The following RABEP2 variants were observed in gnomAD, a reference collection of about 807,000 sequenced individuals.
RABEP2 encodes rab GTPase-binding effector protein 2.
A neutral mutation model predicts 74.1 loss-of-function variants in RABEP2; 57 were observed. The observed-to-expected ratio is 0.77, with a 90% CI of 0.62 to 0.96. The LOEUF (loss-of-function observed/expected upper bound fraction) is 0.96. Ranked by LOEUF, RABEP2 falls within the 40% of genes least tolerant of loss-of-function variation. The pLI is 0.00. For synonymous variants in RABEP2, 351 were observed against 344.0 expected (o/e 1.02, Z -0.23); for missense variants, 692 against 756.3 (o/e 0.91, Z 1.00).
Position 28,910,990 on chromosome 16 carries a change from G to C in RABEP2, c.991-4C>G. 6.2e-7 allele frequency: 1 copy of C among 1,610,576 alleles called. No individual in the cohort carries two copies. On this transcript the variant is annotated splice_region_variant and splice_polypyrimidine_tract_variant and intron_variant, in intron 6 of 12. Coordinates refer to ENST00000358201, the MANE Select transcript of RABEP2 (RefSeq NM_024816.3). ...CCTGGGCCAGGAGCACCTGCATCTG[G>C]GTTGGAGGGAGGGCGAAAGTGAGGG...
rs1219172596 is a variant in RABEP2 at position 28,919,840 on chromosome 16, C to T, written c.378G>A (p.Lys126=). ...EEKERELGRL[K]QLLSRAYPLD... is the part of the protein sequence containing the mutation. ...GGGGGTAGGCCCGGGACAGCAGCTG[C>T]TTCAGGCGGCCCAGCTCCCGCTCCT... The change falls in exon 3 of 13, where the codon AAG becomes AAA. Residue 126 remains lysine (K), a synonymous_variant. Transcript: ENST00000358201. The T allele has an allele frequency of 6.2e-7, 1 of 1,612,246 alleles. No homozygotes were observed. The highest frequency in any genetic ancestry group is 1.7e-5 in the Admixed American group (1 of 59,986).
intron 8 of RABEP2, among the ~76,000 whole-genome samples, chr16:28,907,206 G>A (rs183758885): frequency 6.0e-5 from 9 of 149,994 alleles, no homozygotes; most frequent in Admixed American, 4.0e-4. Flanking sequence ...TGTGGCCCAG[G>A]ATGGAGTGTA....
Position 28,914,261 on chromosome 16 carries a change from G to A in RABEP2, c.869C>T (p.Thr290Ile), listed in dbSNP as rs773962035. ...PPPGYQLVPDTQWEQLQTEGR... is the reference protein window; with the variant it reads ...PPPGYQLVPDIQWEQLQTEGR... ...CTCTGTCTGCAGCTGCTCCCACTGAGTGTCTGGGACGAGCTGGTAGCCAGG... is the reference window on the plus strand; with the variant it reads ...CTCTGTCTGCAGCTGCTCCCACTGAATGTCTGGGACGAGCTGGTAGCCAGG... The change falls in exon 5 of 13, where the codon ACT becomes ATT. Residue 290 changes from threonine to isoleucine, a missense_variant. Thr to Ile is a moderately conservative substitution (Grantham distance 89). Coordinates refer to ENST00000358201, the MANE Select transcript of RABEP2 (RefSeq NM_024816.3). 3.7e-6 allele frequency: 6 copies of A among 1,608,684 alleles called. No homozygotes were observed. In the East Asian group the frequency reaches 1.3e-4, roughly 36 times the overall value.
chr16:28,925,072 T>TC, intron 1 of RABEP2, 31 bp downstream of exon 1: 1 of 1,548,322 alleles, frequency 6.5e-7, no homozygotes, highest in Non-Finnish European at 8.7e-7. Context: ...GCATCACCGT[T>TC]CCCCGCTTGC....
chr16:28,914,745 A>G lies in RABEP2; in HGVS notation c.470T>C (p.Leu157Pro). 6.2e-7 allele frequency: 1 copy of G among 1,614,146 alleles called. No homozygotes were observed. Among genetic ancestry groups the G allele is most frequent in the Non-Finnish European group, 8.5e-7 (1 of 1,180,026 alleles). ...EDSEKLREIVLPMEKEIEELK... is the reference protein window; with the variant it reads ...EDSEKLREIVPPMEKEIEELK... ...CTCCTCGATCTCCTTTTCCATGGGC[A>G]GTACGATCTCCCGCAGCTTCTCCGA... Residue 157 changes from leucine (L) to proline (P), a missense_variant, in exon 4 of 13, where the codon CTG becomes CCG. By Grantham distance (98) the Leu-to-Pro change is moderately conservative (BLOSUM62 -3). Transcript: ENST00000358201.
Position 28,904,852 on chromosome 16 carries a change from A to C in RABEP2, c.*91T>G. On this transcript the variant is annotated 3_prime_UTR_variant, in exon 13 of 13. Coordinates refer to ENST00000358201, the MANE Select transcript of RABEP2 (RefSeq NM_024816.3). ...CAACCCCAGTCTCAGGGACGGTGGA[A>C]AAGCCATCCAAGACCCCAGAGCGAG... 1 of 991,112 alleles carries C rather than the reference A, an allele frequency of 1.0e-6. No individual in the cohort carries two copies. Among genetic ancestry groups the C allele is most frequent in the Non-Finnish European group, 1.5e-6 (1 of 665,584 alleles). The allele number at this position is 991,112 out of a possible 1,614,324, so 61.4% of individuals were successfully genotyped here. A position where few individuals can be genotyped will look rare whatever the true frequency, so the allele number is the denominator to read the frequency against.
At chr16:28,908,588 C>T in intron 8 of RABEP2, 21 bp downstream of exon 8, 1 of 1,587,166 alleles carries the variant, frequency 6.3e-7, no homozygotes, top group Non-Finnish European at 8.6e-7. Flanking sequence ...TCCAGGCTCT[C>T]AGTGCCCACA....
chr16:28,924,921 A>C (rs1964514049), intron 1 of RABEP2, 182 bp downstream of exon 1: 2 of 831,888 alleles, frequency 2.4e-6, no homozygotes, highest in Non-Finnish European at 3.9e-6. Flanking sequence ...CACTGGCCCT[A>C]CCCCTTCAAT....
intron 3 of RABEP2, chr16:28,918,061 G>GTTTTTTTTTT (rs398029150): frequency 2.1e-5 from 2 of 93,220 alleles, no homozygotes; most frequent in African/African-American, 4.4e-5. Flanking sequence ...TCCTATAATT[G>GTTTTTTTTTT]TTTTTTTTTT....
chr16:28,905,511 G>C lies in RABEP2; in HGVS notation c.1494C>G (p.Ala498=), dbSNP rs1271965247. The C allele has an allele frequency of 6.2e-6, 10 of 1,610,850 alleles. No homozygotes were observed. The highest frequency in any genetic ancestry group is 8.5e-6 in the Non-Finnish European group (10 of 1,179,272). ...MERVQQEQSK[A]QLPDLLSEQR... is the part of the protein sequence containing the mutation. ...GTTCTGAGAGGAGGTCTGGGAGCTG[G>C]GCCTGCGGGGACAGACACCACACTG... Residue 498 remains alanine (A), a splice_region_variant and synonymous_variant, in exon 12 of 13, where the codon GCC becomes GCG. Coordinates refer to ENST00000358201, the MANE Select transcript of RABEP2 (RefSeq NM_024816.3).
intron 8 of RABEP2, among the ~76,000 whole-genome samples, chr16:28,906,965 T>A (rs1358232282): frequency 6.6e-6 from 1 of 151,586 alleles, no homozygotes. Context: ...TCTCAAAAAA[T>A]AAAAATAAAA....
chr16:28,910,928 C>T lies in RABEP2; in HGVS notation c.1049G>A (p.Gly350Glu), dbSNP rs539268236. 6.2e-6 allele frequency: 10 copies of T among 1,613,250 alleles called. No homozygotes were observed. The African/African-American group carries it at 1.2e-4, about 19-fold the overall frequency. The change falls in exon 7 of 13, where the codon GGG becomes GAG. Residue 350 changes from glycine to glutamate, a missense_variant. Gly to Glu is a moderately conservative substitution (Grantham distance 98). Coordinates refer to ENST00000358201, the MANE Select transcript of RABEP2 (RefSeq NM_024816.3). ...NSEQLLRTLQ[G>E]TVSQAQERVQ... ...CCGCTCCTGGGCCTGGCTCACGGTCCCTTGCAGGGTCCGCAGCAGCTGCTC... is the reference window on the plus strand; with the variant it reads ...CCGCTCCTGGGCCTGGCTCACGGTCTCTTGCAGGGTCCGCAGCAGCTGCTC...
At position 28,905,388 on chromosome 16, in the gene RABEP2, A is replaced by G; in HGVS notation, c.1608+9T>C. 1.3e-6 allele frequency: 2 copies of G among 1,596,924 alleles called. No individual in the cohort carries two copies. The highest frequency in any genetic ancestry group is 1.7e-6 in the Non-Finnish European group (2 of 1,169,802). ...CCAGCCAGCCTGGCGGGGCTGGGAC[A>G]GGCCATACCTGCAGGGCCTGGGACA... On this transcript the variant is annotated intron_variant, in intron 12 of 12. Transcript: ENST00000358201.
Position 28,923,984 on chromosome 16 carries a change from G to C in RABEP2, c.274+419C>G, listed in dbSNP as rs550128740. On this transcript the variant is annotated intron_variant, in intron 2 of 12. Coordinates refer to ENST00000358201, the MANE Select transcript of RABEP2 (RefSeq NM_024816.3). Reference sequence around the variant, plus strand: ...AGCTGGTGCATGGCGTGGGGTGGAGGGGGGAGTGTCTGGGGAAGGCTAGAG... The same window carrying C: ...AGCTGGTGCATGGCGTGGGGTGGAGCGGGGAGTGTCTGGGGAAGGCTAGAG... 327 of 190,218 alleles carry C rather than the reference G, an allele frequency of 1.7e-3. 3 individuals carry two copies. The highest frequency in any genetic ancestry group is 2.8e-3 in the Admixed American group (52 of 18,742). The allele number at this position is 190,218 out of a possible 1,614,324, so 11.8% of individuals were successfully genotyped here. A position where few individuals can be genotyped will look rare whatever the true frequency, so the allele number is the denominator to read the frequency against.
intron 5 of RABEP2, 50 bp downstream of exon 5, chr16:28,914,186 C>A: frequency 6.9e-7 from 1 of 1,453,980 alleles, no homozygotes; most frequent in East Asian, 2.3e-5. Flanking sequence ...GGGGAAGCAT[C>A]CAGCAGAGAG....
intron 5 of RABEP2, among the ~76,000 whole-genome samples, chr16:28,913,924 G>A (rs961254698): frequency 1.6e-4 from 24 of 150,892 alleles, no homozygotes; most frequent in Non-Finnish European, 2.7e-4. Flanking sequence ...GGGACTACAA[G>A]TGTATACTTG....
At chr16:28,921,889 C>T (rs1383243531) in intron 2 of RABEP2, among the ~76,000 whole-genome samples, 2 of 151,860 alleles carry the variant, frequency 1.3e-5, no homozygotes, top group African/African-American at 4.8e-5. Flanking sequence ...TGTTTGAACC[C>T]AGGAGGCGGA....
Position 28,919,960 on chromosome 16 carries a change from A to C in RABEP2, c.275-17T>G. The C allele has an allele frequency of 3.5e-6, 2 of 572,908 alleles. No homozygotes were observed. 35.5% of individuals were successfully genotyped at this position (572,908 alleles called of 1,614,324 possible). A position where few individuals can be genotyped will look rare whatever the true frequency, so the allele number is the denominator to read the frequency against. On this transcript the variant is annotated splice_polypyrimidine_tract_variant and intron_variant, in intron 2 of 12. Transcript: ENST00000358201. ...TGATGGAGTCTGGTGGGGGAGAGGG[A>C]GGGTGGGAGAGAGGGAGGGTCAATG...
chr16:28,917,377 T>G (rs973378074), intron 3 of RABEP2, among the ~76,000 whole-genome samples: 13 of 152,346 alleles, frequency 8.5e-5, no homozygotes, highest in African/African-American at 2.9e-4. Context: ...TTCCACTTCT[T>G]GAATCACTTG....
Sources: gnomAD v4.1 joint callset for allele counts (sites outside exome capture counted in the v4.1 genomes callset) on GRCh38, gnomAD v4.1.1 for gene constraint, MANE v1.5 for transcripts, NCBI Gene and HGNC (gene_info 2026-07-23, HGNC 2026-07-21) for gene names.